FOXP2: variants seen among roughly 807,000 people sequenced by gnomAD.
FOXP2 encodes the protein forkhead box P2.
Under a neutral mutation model 115.8 loss-of-function variants are expected in FOXP2, and 12 were observed. That is an observed-to-expected ratio of 0.10 (90% confidence interval 0.07 to 0.17). FOXP2 has a LOEUF of 0.17. Among genes scored for constraint, FOXP2 ranks in the 10% least tolerant of loss-of-function variants. The pLI is 1.00. For missense variants in FOXP2, 629 were observed against 843.5 expected, an observed-to-expected ratio of 0.75 and a Z score of 3.15; for synonymous variants, 328 against 297.7, an observed-to-expected ratio of 1.10 and a Z score of -1.05.
intron 3 of FOXP2, among the ~76,000 whole-genome samples, chr7:114,623,860 C>G (rs1009456964): frequency 1.3e-5 from 2 of 151,816 alleles, no homozygotes; most frequent in African/African-American, 4.8e-5. Context: ...TCTGTTGTTC[C>G]TGTCACACTA....
chr7:114,506,292 T>C (rs952032505), intron 2 of FOXP2, among the ~76,000 whole-genome samples: 1 of 151,704 alleles, frequency 6.6e-6, no homozygotes, highest in Non-Finnish European at 1.5e-5. Context: ...GTTTTCTGCC[T>C]TTTTTGTTTG....
At chr7:114,127,842 C>T (rs1791758953) in intron 1 of FOXP2, among the ~76,000 whole-genome samples, 1 of 152,084 alleles carries the variant, frequency 6.6e-6, no homozygotes, top group Admixed American at 6.6e-5. Flanking sequence ...TTTCTTCTCC[C>T]AGAATATTCC....
At chr7:114,482,310 G>T (rs753287838) in intron 2 of FOXP2, among the ~76,000 whole-genome samples, 5 of 151,342 alleles carry the variant, frequency 3.3e-5, no homozygotes, top group African/African-American at 7.3e-5. Context: ...AAAGACTGAC[G>T]TTAGGATTTA....
intron 1 of FOXP2, among the ~76,000 whole-genome samples, chr7:114,204,915 C>A (rs1231793689): frequency 6.3e-5 from 9 of 141,820 alleles, no homozygotes; most frequent in South Asian, 2.2e-4. Flanking sequence ...TTGTGTGTGC[C>A]AAAAAAAAAA....
chr7:114,537,186 T>G (rs2129278991), intron 3 of FOXP2, among the ~76,000 whole-genome samples: 1 of 151,700 alleles, frequency 6.6e-6, no homozygotes, highest in African/African-American at 2.4e-5. Context: ...CTCTCAAAAT[T>G]TATATCTTTT....
chr7:114,579,960 G>A (rs1303443986), intron 3 of FOXP2, among the ~76,000 whole-genome samples: 1 of 152,178 alleles, frequency 6.6e-6, no homozygotes, highest in East Asian at 1.9e-4. Flanking sequence ...TTAAAAACAA[G>A]TAGTTAGGAG....
intron 3 of FOXP2, among the ~76,000 whole-genome samples, chr7:114,551,384 C>T (rs572368515): frequency 4.1e-4 from 63 of 152,006 alleles, no homozygotes; most frequent in Non-Finnish European, 7.5e-4. Flanking sequence ...AAACAAAACT[C>T]GTGGTTTGAG....
chr7:114,412,135 A>G (rs183058813), upstream of FOXP2, among the ~76,000 whole-genome samples: 149 of 152,292 alleles, frequency 9.8e-4, 1 homozygote, highest in Admixed American at 2.5e-3. Context: ...TAATAAGGGC[A>G]TAGAAAGAAA....
intron 2 of FOXP2, among the ~76,000 whole-genome samples, chr7:114,509,934 A>T (rs75860307): frequency 6.6e-6 from 1 of 152,048 alleles, no homozygotes; most frequent in Non-Finnish European, 1.5e-5. Context: ...AGAAAAAAAA[A>T]GGTGCTCACA....
chr7:114,435,792 G>A (rs1414242059), intron 2 of FOXP2, among the ~76,000 whole-genome samples: 1 of 152,140 alleles, frequency 6.6e-6, no homozygotes, highest in African/African-American at 2.4e-5. Flanking sequence ...GCCCACCTTG[G>A]CCTCCCAAAG....
At chr7:114,587,989 G>C (rs1802231348) in intron 3 of FOXP2, among the ~76,000 whole-genome samples, 2 of 150,182 alleles carry the variant, frequency 1.3e-5, no homozygotes, top group South Asian at 4.3e-4. Context: ...CCTAGTCTCA[G>C]CCCTATTGTT....
chr7:114,364,326 T>A (rs1157916490), intron 2 of FOXP2, among the ~76,000 whole-genome samples: 1 of 152,076 alleles, frequency 6.6e-6, no homozygotes, highest in African/African-American at 2.4e-5. Flanking sequence ...AAGCTTCTCT[T>A]TGTTATGTGG....
chr7:114,487,292 C>A (rs1416831644), intron 2 of FOXP2, among the ~76,000 whole-genome samples: 1 of 152,156 alleles, frequency 6.6e-6, no homozygotes, highest in African/African-American at 2.4e-5. Flanking sequence ...GTACCTTGAC[C>A]CTTTTTATCC....
chr7:114,664,677 A>G (rs554954230), intron 16 of FOXP2: 474 of 519,618 alleles, frequency 9.1e-4, no homozygotes, highest in African/African-American at 7.9e-3. Context: ...TCTTAGTACT[A>G]CTAATGTTCT....
chr7:114,103,976 C>T (rs970783548), intron 1 of FOXP2, among the ~76,000 whole-genome samples: 13 of 151,646 alleles, frequency 8.6e-5, no homozygotes, highest in Middle Eastern at 3.4e-3. Flanking sequence ...AGAAGACATT[C>T]TTCTATACTA....
chr7:114,649,322 T>C (rs1332690291), intron 8 of FOXP2, among the ~76,000 whole-genome samples: 1 of 152,104 alleles, frequency 6.6e-6, no homozygotes, highest in Non-Finnish European at 1.5e-5. Flanking sequence ...TTATGGAGCA[T>C]TCATATGAAA....
At chr7:114,094,429 C>T (rs1270177118) in intron 1 of FOXP2, among the ~76,000 whole-genome samples, 4 of 152,098 alleles carry the variant, frequency 2.6e-5, no homozygotes, top group Non-Finnish European at 4.4e-5. Context: ...TTATTCTAAA[C>T]GTCTTGAGAA....
chr7:114,116,673 A>C (rs1487823528), intron 1 of FOXP2, among the ~76,000 whole-genome samples: 2 of 152,178 alleles, frequency 1.3e-5, no homozygotes, highest in Admixed American at 6.6e-5. Flanking sequence ...TTAGATAAGG[A>C]AATAGAGTAT....
intron 16 of FOXP2, among the ~76,000 whole-genome samples, chr7:114,685,968 G>A (rs1362636237): frequency 1.3e-5 from 2 of 150,660 alleles, no homozygotes; most frequent in Admixed American, 6.6e-5. Flanking sequence ...AGGAAAACCG[G>A]TGTTTTTTTT....
Sources: allele counts gnomAD v4.1 joint callset (sites outside exome capture counted in the v4.1 genomes callset), GRCh38; gene constraint gnomAD v4.1.1; transcripts MANE v1.5; gene names NCBI Gene and HGNC (gene_info 2026-07-23, HGNC 2026-07-21).